NEDD4L: variants seen among roughly 807,000 people sequenced by gnomAD.
NEDD4L encodes the protein E3 ubiquitin-protein ligase NEDD4-like.
Under a neutral mutation model 148.9 loss-of-function variants are expected in NEDD4L, and 54 were observed. The ratio of observed to expected loss-of-function variants is 0.36; its 90% CI spans 0.29 to 0.45. NEDD4L has a LOEUF of 0.45. Among genes scored for constraint, NEDD4L ranks in the 20% least tolerant of loss-of-function variants. The pLI is 1.00. For missense variants in NEDD4L, 856 were observed against 1,233.8 expected, an observed-to-expected ratio of 0.69 and a Z score of 4.59; for synonymous variants, 433 against 440.7, an observed-to-expected ratio of 0.98 and a Z score of 0.22.
At chr18:58,255,353 C>CT in intron 5 of NEDD4L, 1 of 347,322 alleles carries the variant, frequency 2.9e-6, no homozygotes, top group Non-Finnish European at 4.8e-6. Context: ...GAAAACTCCT[C>CT]TAAGTCCAGA....
intron 2 of NEDD4L, among the ~76,000 whole-genome samples, chr18:58,233,831 C>A (rs767439883): frequency 6.6e-6 from 1 of 152,170 alleles, no homozygotes; most frequent in Non-Finnish European, 1.5e-5. Flanking sequence ...TCTCTGAGCC[C>A]TATGGGAATA....
intron 5 of NEDD4L, among the ~76,000 whole-genome samples, chr18:58,293,897 A>AT (rs1363850579): frequency 1.3e-5 from 2 of 151,812 alleles, no homozygotes; most frequent in African/African-American, 2.4e-5. Flanking sequence ...TAATTATTGT[A>AT]TTTTTTGTAG....
intron 2 of NEDD4L, among the ~76,000 whole-genome samples, chr18:58,200,791 C>A (rs1276000388): frequency 6.6e-6 from 1 of 152,146 alleles, no homozygotes; most frequent in African/African-American, 2.4e-5. Flanking sequence ...GAGGAGTCAT[C>A]CTGCAATTTT....
In NEDD4L at chr18:58,316,049, GT is replaced by G. The variant is rs779527001; in HGVS notation, c.348+20del. ...CACCTTCCGGTAAGGACAGTCTCAT[GT>G]TTGATGCTTCGTGCTGGGGGCGGGG... On this transcript the variant is annotated intron_variant, in intron 6 of 30. Transcript: ENST00000400345. 1.2e-6 allele frequency: 2 copies of G among 1,607,196 alleles called. No individual in the cohort carries two copies. Among genetic ancestry groups the G allele is most frequent in the South Asian group, 1.1e-5 (1 of 90,880 alleles).
At chr18:58,167,664 G>T (rs1466858228) in intron 2 of NEDD4L, among the ~76,000 whole-genome samples, 2 of 152,130 alleles carry the variant, frequency 1.3e-5, no homozygotes, top group Non-Finnish European at 2.9e-5. Flanking sequence ...ACTGGGGACA[G>T]ACATCTTTTT....
intron 1 of NEDD4L, among the ~76,000 whole-genome samples, chr18:58,117,391 G>A (rs369972348): frequency 1.2e-4 from 19 of 152,296 alleles, no homozygotes; most frequent in African/African-American, 4.3e-4. Context: ...CAGCCACATT[G>A]CTTCTGTGTG....
At chr18:58,277,359 G>A (rs1023250249) in intron 5 of NEDD4L, among the ~76,000 whole-genome samples, 7 of 152,202 alleles carry the variant, frequency 4.6e-5, no homozygotes, top group Non-Finnish European at 8.8e-5. Flanking sequence ...TTGCATGTCA[G>A]GAGCTCTCTT....
At chr18:58,365,895 T>C (rs2046057288) in intron 20 of NEDD4L, 104 bp from the exon 21 acceptor site, 1 of 739,670 alleles carries the variant, frequency 1.4e-6, no homozygotes, top group Non-Finnish European at 2.2e-6. Flanking sequence ...ACTGCCTGTT[T>C]CTTTGAGGAC....
chr18:58,044,535 C>T lies in NEDD4L; in HGVS notation c.-126C>T, dbSNP rs1418558110. ...CACCTGCCGGCGCCCGGCCGCTTACCCGGCAGGGCGTGCGCAGGGTAGGGT... is the reference window on the plus strand; with the variant it reads ...CACCTGCCGGCGCCCGGCCGCTTACTCGGCAGGGCGTGCGCAGGGTAGGGT... On this transcript the variant is annotated 5_prime_UTR_variant, in exon 1 of 31. Coordinates refer to ENST00000400345, the MANE Select transcript of NEDD4L (RefSeq NM_001144967.3). The T allele has an allele frequency of 3.2e-6, 4 of 1,240,970 alleles. No individual in the cohort carries two copies. The highest frequency in any genetic ancestry group is 4.3e-5 in the Admixed American group (1 of 23,494). The allele number at this position is 1,240,970 out of a possible 1,614,324, so 76.9% of individuals were successfully genotyped here.
intron 2 of NEDD4L, among the ~76,000 whole-genome samples, chr18:58,186,446 A>AT (rs558509971): frequency 1.6e-4 from 25 of 151,932 alleles, no homozygotes; most frequent in African/African-American, 5.8e-4. Context: ...GTGAATTCAT[A>AT]TTTTTTTTAT....
intron 2 of NEDD4L, among the ~76,000 whole-genome samples, chr18:58,204,716 A>G (rs1298988509): frequency 6.6e-6 from 1 of 152,234 alleles, no homozygotes; most frequent in Non-Finnish European, 1.5e-5. Flanking sequence ...AAATAAGTTT[A>G]GATAGTCCAT....
chr18:58,363,496 C>G (rs1262834050), intron 19 of NEDD4L, among the ~76,000 whole-genome samples: 1 of 152,136 alleles, frequency 6.6e-6, no homozygotes, highest in Non-Finnish European at 1.5e-5. Context: ...ACTCACGGCC[C>G]TGACTCTAAG....
In NEDD4L at chr18:58,333,847, A is replaced by T. The variant is rs373827163; in HGVS notation, c.1020A>T (p.Ser340=). Reference sequence around the variant, plus strand: ...GAGAACCCTCCTCAAGGTTGAGGTCATGCAGTGTCACCGACGCAGTTGCAG... The same window carrying T: ...GAGAACCCTCCTCAAGGTTGAGGTCTTGCAGTGTCACCGACGCAGTTGCAG... The part of the protein sequence containing the change: ...IQREPSSRLR[S]CSVTDAVAEQ... The change falls in exon 12 of 31, where the codon TCA becomes TCT. Residue 340 remains serine, a synonymous_variant. Coordinates refer to ENST00000400345, the MANE Select transcript of NEDD4L (RefSeq NM_001144967.3). 4 of 1,613,758 alleles carry T rather than the reference A, an allele frequency of 2.5e-6. No individual in the cohort carries two copies. Among genetic ancestry groups the T allele is most frequent in the African/African-American group, 1.3e-5 (1 of 74,930 alleles).
At chr18:58,215,778 T>C (rs901066016) in intron 2 of NEDD4L, among the ~76,000 whole-genome samples, 3 of 152,176 alleles carry the variant, frequency 2.0e-5, no homozygotes, top group Non-Finnish European at 4.4e-5. Context: ...ATTTTGGCAT[T>C]TTCCTTTTAG....
At position 58,044,638 on chromosome 18, in the gene NEDD4L, A is replaced by C; in HGVS notation, c.-23A>C. On this transcript the variant is annotated 5_prime_UTR_variant, in exon 1 of 31. Transcript: ENST00000400345. ...AGCACAGCCGCTGGGAGCGCCTCAG[A>C]CCCCGCGCGGGGCGCCGGCTCCATG... 1.9e-6 allele frequency: 3 copies of C among 1,594,206 alleles called. No homozygotes were observed. In the South Asian group the frequency reaches 3.4e-5, roughly 18 times the overall value.
At chr18:58,188,671 A>G (rs941063300) in intron 2 of NEDD4L, among the ~76,000 whole-genome samples, 2 of 152,140 alleles carry the variant, frequency 1.3e-5, no homozygotes, top group African/African-American at 4.8e-5. Context: ...ATAACAGCAC[A>G]TTGGTGGCCA....
chr18:58,060,958 C>A (rs980687217), intron 1 of NEDD4L, among the ~76,000 whole-genome samples: 1 of 152,106 alleles, frequency 6.6e-6, no homozygotes, highest in African/African-American at 2.4e-5. Flanking sequence ...TGGGGTTTCA[C>A]CATGTTGGTC....
intron 2 of NEDD4L, chr18:58,228,039 A>G (rs2044582611): frequency 6.1e-6 from 1 of 163,888 alleles, no homozygotes; most frequent in African/African-American, 2.4e-5. Context: ...TCCAGTATCT[A>G]CTTACCATAA....
chr18:58,355,970 C>A (rs111975262), intron 18 of NEDD4L, among the ~76,000 whole-genome samples: 2 of 152,146 alleles, frequency 1.3e-5, no homozygotes, highest in Non-Finnish European at 2.9e-5. Context: ...TGCACTCCCC[C>A]GCCCCGGTCC....
Sources: gnomAD v4.1 joint callset for allele counts (sites outside exome capture counted in the v4.1 genomes callset) on GRCh38, gnomAD v4.1.1 for gene constraint, MANE v1.5 for transcripts, NCBI Gene and HGNC (gene_info 2026-07-23, HGNC 2026-07-21) for gene names.